Variants in LUC7L observed in about 807,000 individuals in gnomAD.
LUC7L encodes putative RNA-binding protein Luc7-like 1.
A neutral mutation model predicts 51.1 loss-of-function variants in LUC7L; 29 were observed. That is an observed-to-expected ratio of 0.57 (90% CI 0.42 to 0.77). LUC7L has a LOEUF of 0.77. LUC7L is among the 30% of genes least tolerant of loss of function. LUC7L has a pLI of 0.00. For missense variants in LUC7L, 403 were observed against 511.9 expected, an observed-to-expected ratio of 0.79 and a Z score of 2.05; for synonymous variants, 181 against 180.7, an observed-to-expected ratio of 1.00 and a Z score of -0.01.
At chr16:192,789 C>A (rs917596247) in intron 7 of LUC7L, 138 bp downstream of exon 7, 2 of 760,764 alleles carry the variant, frequency 2.6e-6, no homozygotes, top group Non-Finnish European at 4.4e-6. Context: ...AGGCGTGAGC[C>A]GCCAGGCCTG....
At chr16:199,327 G>A in intron 5 of LUC7L, 89 bp from the exon 6 acceptor site, 1 of 800,454 alleles carries the variant, frequency 1.2e-6, no homozygotes, top group South Asian at 1.9e-5. Flanking sequence ...TTGATAAGAT[G>A]ACAGAGGTGA....
In LUC7L at chr16:190,551, C is replaced by A. The variant is rs1461631382; in HGVS notation, c.796G>T (p.Asp266Tyr). The A allele has an allele frequency of 6.2e-7, 1 of 1,613,712 alleles. No homozygotes were observed. The highest frequency in any genetic ancestry group is 8.5e-7 in the Non-Finnish European group (1 of 1,180,006). ...GACCTGGAAACCTACCTCCTGCGATCTCTGGTTCTTGATCCCGACCTAAAA... is the reference window on the plus strand; with the variant it reads ...GACCTGGAAACCTACCTCCTGCGATATCTGGTTCTTGATCCCGACCTAAAA... ...LSRRSGSRTR[D>Y]RRRSRSRDRR... Residue 266 changes from aspartate to tyrosine, a missense_variant, in exon 8 of 10, where the codon GAT (aspartate) becomes TAT (tyrosine). Coordinates refer to ENST00000293872, the MANE Select transcript of LUC7L (RefSeq NM_201412.3).
chr16:218,403 C>A (rs540289472), intron 3 of LUC7L, among the ~76,000 whole-genome samples: 42 of 152,196 alleles, frequency 2.8e-4, no homozygotes, highest in South Asian at 6.2e-4. Flanking sequence ...GATTAAAAAA[C>A]AATTAAAATT....
intron 2 of LUC7L, among the ~76,000 whole-genome samples, chr16:221,712 G>GA (rs993842803): frequency 1.2e-4 from 17 of 146,756 alleles, no homozygotes; most frequent in South Asian, 2.2e-4. Context: ...CAGAAAAGGG[G>GA]AAAAAAAAAA....
chr16:229,219 C>A, intron 1 of LUC7L, 60 bp downstream of exon 1: 1 of 1,510,836 alleles, frequency 6.6e-7, no homozygotes, highest in Non-Finnish European at 8.8e-7. Flanking sequence ...CCTCAGGCCG[C>A]CCGGCGGCCT....
intron 5 of LUC7L, among the ~76,000 whole-genome samples, chr16:201,264 A>C (rs2049319386): frequency 6.6e-6 from 1 of 151,014 alleles, no homozygotes; most frequent in Non-Finnish European, 1.5e-5. Context: ...AAAAAAAAAA[A>C]AACTTAAGCA....
intron 7 of LUC7L, 54 bp from the exon 8 acceptor site, chr16:190,624 A>T: frequency 6.4e-7 from 1 of 1,555,820 alleles, no homozygotes; most frequent in Non-Finnish European, 8.9e-7. Flanking sequence ...TCACACCTGT[A>T]ATCCCAGCAC....
At chr16:189,926 C>T (rs760587876) in intron 9 of LUC7L, 42 bp downstream of exon 9, 1 of 1,579,562 alleles carries the variant, frequency 6.3e-7, no homozygotes, top group Non-Finnish European at 8.6e-7. Flanking sequence ...CAGAGAAGGG[C>T]TCACTCCTGG....
intron 9 of LUC7L, 58 bp downstream of exon 9, chr16:189,910 G>A: frequency 6.4e-7 from 1 of 1,565,876 alleles, no homozygotes. Flanking sequence ...GCAGACCCTG[G>A]GAACACAGAG....
At chr16:226,925 T>G (rs183273216) in intron 2 of LUC7L, among the ~76,000 whole-genome samples, 5 of 152,210 alleles carry the variant, frequency 3.3e-5, no homozygotes, top group Non-Finnish European at 7.4e-5. Context: ...AGTGGAGGAT[T>G]GAGAAAGGAG....
chr16:206,890 T>TAAAAA lies in LUC7L; in HGVS notation c.367-748_367-744dup, dbSNP rs67775388. The stretch of plus-strand genomic sequence containing the variant: ...CTTGGGCAACAGACTCCATCTTTAT[T>TAAAAA]AAAAAAAAAAAAAAAAAAAAAAAAG... On this transcript the variant is annotated intron_variant, in intron 4 of 9. Coordinates refer to ENST00000293872, the MANE Select transcript of LUC7L (RefSeq NM_201412.3). Among the ~76,000 whole-genome samples, 18 of 99,536 alleles carry TAAAAA rather than the reference T, an allele frequency of 1.8e-4. 1 individual carries two copies. Among genetic ancestry groups the TAAAAA allele is most frequent in the Admixed American group, 2.4e-4 (2 of 8,198 alleles). The allele number at this position is 99,536 out of a possible 152,430, so 65.3% of individuals were successfully genotyped here. A position where few individuals can be genotyped will look rare whatever the true frequency, so the allele number is the denominator to read the frequency against.
At chr16:215,473 AG>A (rs1239660678) in intron 3 of LUC7L, among the ~76,000 whole-genome samples, 3 of 151,570 alleles carry the variant, frequency 2.0e-5, no homozygotes. Flanking sequence ...ACAAAAAATT[AG>A]CCAGGCATGG....
rs763349302 is a variant in LUC7L at position 220,746 on chromosome 16, C to A, written c.158G>T (p.Arg53Leu). Reference protein sequence around the residue: ...CCPHDILAGTRMDLGECTKIH... With the variant: ...CCPHDILAGTLMDLGECTKIH... ...TTTGGTACATTCTCCTAAATCCATGCGCTGTGGGAAAGAAACAGAAAATGC... is the reference window on the plus strand; with the variant it reads ...TTTGGTACATTCTCCTAAATCCATGAGCTGTGGGAAAGAAACAGAAAATGC... Residue 53 changes from arginine to leucine, a missense_variant and splice_region_variant, in exon 3 of 10, where the codon CGC (arginine) becomes CTC (leucine). This residue lies in a region of LUC7L where 182 missense variants were observed against 248.4 expected (regional missense o/e 0.73). Transcript: ENST00000293872. 25 of 1,611,126 alleles carry A rather than the reference C, an allele frequency of 1.6e-5. No individual in the cohort carries two copies. The highest frequency in any genetic ancestry group is 5.1e-6 in the Non-Finnish European group (6 of 1,177,812).
rs2049600997 is a variant in LUC7L, at chr16:210,214, G to A, written c.256-2026C>T. 2.0e-5 allele frequency among the ~76,000 whole-genome samples: 3 copies of A among 152,274 alleles called. No homozygotes were observed. In the South Asian group the frequency reaches 6.2e-4, roughly 32 times the overall value. On this transcript the variant is annotated intron_variant, in intron 3 of 9. Coordinates refer to ENST00000293872, the MANE Select transcript of LUC7L (RefSeq NM_201412.3). ...AGGCAGGAGAACTGCTTGAACCTGG[G>A]AAGCAGAGGTTGCAGTGAACTGAGA...
At chr16:212,524 C>CT (rs1423275947) in intron 3 of LUC7L, among the ~76,000 whole-genome samples, 2 of 152,172 alleles carry the variant, frequency 1.3e-5, no homozygotes, top group Non-Finnish European at 2.9e-5. Flanking sequence ...CACAGGGACT[C>CT]TAACTCAAGA....
At chr16:189,711 G>T in intron 9 of LUC7L, 1 of 1,364,748 alleles carries the variant, frequency 7.3e-7, no homozygotes, top group Non-Finnish European at 9.4e-7. Context: ...GCCACTCTGA[G>T]CATGGACGCA....
intron 1 of LUC7L, chr16:228,076 G>T: frequency 8.7e-7 from 1 of 1,151,018 alleles, no homozygotes; most frequent in Non-Finnish European, 1.1e-6. Context: ...CACACCTGCA[G>T]TAAGGAAGTC....
At chr16:223,947 G>C (rs1347822353) in intron 2 of LUC7L, among the ~76,000 whole-genome samples, 1 of 151,792 alleles carries the variant, frequency 6.6e-6, no homozygotes, top group Non-Finnish European at 1.5e-5. Flanking sequence ...CGAAGTGCTG[G>C]GATTACAGGT....
intron 3 of LUC7L, among the ~76,000 whole-genome samples, chr16:217,536 G>A (rs529105641): frequency 2.7e-4 from 40 of 146,626 alleles, no homozygotes; most frequent in Middle Eastern, 4.2e-3. Flanking sequence ...ACAAAACCCC[G>A]TCTCTACTAA....
Sources: allele counts gnomAD v4.1 joint callset (sites outside exome capture counted in the v4.1 genomes callset), GRCh38; gene constraint gnomAD v4.1.1; regional missense constraint gnomAD v4.1.1; transcripts MANE v1.5; gene names NCBI Gene and HGNC (gene_info 2026-07-23, HGNC 2026-07-21).